The following MCC variants were observed in gnomAD, a reference collection of about 807,000 sequenced individuals.
MCC encodes the protein MCC regulator of Wnt signaling pathway.
A neutral mutation model predicts 116.2 loss-of-function variants in MCC; 90 were observed. The ratio of observed to expected loss-of-function variants is 0.77; its 90% confidence interval spans 0.65 to 0.92. The LOEUF (loss-of-function observed/expected upper bound fraction) is 0.92, where lower values mean the gene tolerates loss of function less well. Among genes scored for constraint, MCC ranks in the 40% least tolerant of loss-of-function variants. The pLI is 0.00. For synonymous variants in MCC, 578 were observed against 510.5 expected, an observed-to-expected ratio of 1.13 and a Z score of -1.78; for missense variants, 1,516 against 1,312.2, an observed-to-expected ratio of 1.16 and a Z score of -2.40.
In MCC at chr5:113,197,140, C is replaced by T. The variant is rs141350339; in HGVS notation, c.628-45718G>A. On this transcript the variant is annotated intron_variant, in intron 3 of 18. Coordinates refer to ENST00000408903, the MANE Select transcript of MCC (RefSeq NM_001085377.2). ...GGGAGCTGTGGTGGGCTGGGGGGTC[C>T]GCTCCACTGTCACGGGCTTCTTTCT... is the stretch of plus-strand genomic sequence containing the variant. Among the ~76,000 whole-genome samples the T allele has an allele frequency of 6.0e-3, 921 of 152,236 alleles. 6 individuals are homozygous for T. The highest frequency in any genetic ancestry group is 0.012 in the Admixed American group (185 of 15,286).
At chr5:113,302,690 A>G (rs890619430) in intron 3 of MCC, among the ~76,000 whole-genome samples, 1 of 152,238 alleles carries the variant, frequency 6.6e-6, no homozygotes, top group Non-Finnish European at 1.5e-5. Context: ...AGGGTTATTG[A>G]TGAAACAAAC....
chr5:113,142,226 G>A (rs918858959), intron 5 of MCC, among the ~76,000 whole-genome samples: 2 of 151,970 alleles, frequency 1.3e-5, no homozygotes, highest in African/African-American at 4.8e-5. Flanking sequence ...TAGAAGGAGA[G>A]TTTAAAGTAG....
At chr5:113,364,957 AGACC>A (rs1768649413) in intron 2 of MCC, among the ~76,000 whole-genome samples, 3 of 152,210 alleles carry the variant, frequency 2.0e-5, no homozygotes, top group Non-Finnish European at 4.4e-5. Flanking sequence ...CTATGTCTCC[AGACC>A]TGTGATGAGA....
rs1270641805 is a variant in MCC at position 113,056,618 on chromosome 5, T to A, written c.2214-2659A>T. 2.0e-5 allele frequency among the ~76,000 whole-genome samples: 3 copies of A among 152,092 alleles called. No individual in the cohort carries two copies. In the East Asian group the frequency reaches 5.8e-4, roughly 29 times the overall value. Reference sequence around the variant, plus strand: ...GGAGAGGATCGGAAAAAATGACTAATGCATACGAAGCTTAATACCTGGGTG... The same window carrying A: ...GGAGAGGATCGGAAAAAATGACTAAAGCATACGAAGCTTAATACCTGGGTG... On this transcript the variant is annotated intron_variant, in intron 14 of 18. Coordinates refer to ENST00000408903, the MANE Select transcript of MCC (RefSeq NM_001085377.2).
intron 14 of MCC, among the ~76,000 whole-genome samples, chr5:113,059,579 C>T (rs1424987870): frequency 6.6e-6 from 1 of 152,252 alleles, no homozygotes; most frequent in Non-Finnish European, 1.5e-5. Context: ...AGAACAGGAG[C>T]CTGTCTGTGT....
chr5:113,144,339 T>A (rs1313167273), intron 4 of MCC, among the ~76,000 whole-genome samples: 2 of 152,244 alleles, frequency 1.3e-5, no homozygotes, highest in Admixed American at 6.5e-5. Flanking sequence ...TCCTCAGTGA[T>A]GGAACAAGTA....
chr5:113,364,614 C>T (rs1453626262), intron 2 of MCC, among the ~76,000 whole-genome samples: 1 of 152,224 alleles, frequency 6.6e-6, no homozygotes, highest in Non-Finnish European at 1.5e-5. Flanking sequence ...GGGCTCCAAT[C>T]CCACATTTCC....
chr5:113,170,297 T>C (rs1436858441), intron 3 of MCC, among the ~76,000 whole-genome samples: 1 of 152,232 alleles, frequency 6.6e-6, no homozygotes, highest in Non-Finnish European at 1.5e-5. Context: ...GTCCTTTTCT[T>C]CAATGGACTT....
At chr5:113,119,630 A>T (rs4259163) in intron 6 of MCC, among the ~76,000 whole-genome samples, 137,143 of 152,208 alleles carry the variant, frequency 0.9, 63,174 homozygotes, top group South Asian at 0.99. Context: ...TGGGAGCACA[A>T]TGACCTGACA....
chr5:113,035,839 T>C (rs1022709206), intron 17 of MCC, among the ~76,000 whole-genome samples: 20 of 152,282 alleles, frequency 1.3e-4, no homozygotes, highest in African/African-American at 4.1e-4. Flanking sequence ...AGTGACTGTA[T>C]CACATCATCC....
At chr5:113,263,393 G>A (rs917592479) in intron 3 of MCC, among the ~76,000 whole-genome samples, 11 of 152,332 alleles carry the variant, frequency 7.2e-5, no homozygotes, top group African/African-American at 2.6e-4. Flanking sequence ...CCATGCCAAA[G>A]GATCATAGCT....
At chr5:113,459,669 T>C (rs1459604132) in intron 1 of MCC, among the ~76,000 whole-genome samples, 1 of 152,214 alleles carries the variant, frequency 6.6e-6, no homozygotes, top group Non-Finnish European at 1.5e-5. Context: ...GCCATATTCA[T>C]GTGCCACCTC....
In MCC at chr5:113,068,165, G is replaced by A. The variant is rs576668087; in HGVS notation, c.1944C>T (p.Ala648=). ...ALQYSEQCIE[A]YELLLALAES... is the part of the protein sequence containing the mutation. ...CTGCCAGCGCCAGGAGGAGTTCGTA[G>A]GCTTCGATGCACTGCTCGCTGAAAC... The change falls in exon 13 of 19, where the codon GCC becomes GCT. Residue 648 remains alanine, a synonymous_variant. Transcript: ENST00000408903. The A allele has an allele frequency of 1.1e-5, 17 of 1,614,086 alleles. No homozygotes were observed. In the African/African-American group the frequency reaches 2.3e-4, roughly 22 times the overall value.
intron 1 of MCC, among the ~76,000 whole-genome samples, chr5:113,478,110 A>G (rs1054752785): frequency 8.5e-5 from 13 of 152,340 alleles, no homozygotes; most frequent in African/African-American, 2.6e-4. Flanking sequence ...TGATGACACT[A>G]AGACAGAGGC....
chr5:113,399,534 T>C (rs7714760), intron 1 of MCC, among the ~76,000 whole-genome samples: 26,241 of 152,106 alleles, frequency 0.17, 2,476 homozygotes, highest in Non-Finnish European at 0.22. Flanking sequence ...GGTTATTTAC[T>C]AAGTTATTAT....
intron 3 of MCC, among the ~76,000 whole-genome samples, chr5:113,253,156 G>C (rs1345677851): frequency 1.3e-5 from 2 of 152,222 alleles, no homozygotes; most frequent in African/African-American, 4.8e-5. Context: ...AGCATACTGA[G>C]AAGTAAACCA....
At chr5:113,337,709 C>T (rs1023826965) in intron 3 of MCC, among the ~76,000 whole-genome samples, 1 of 152,072 alleles carries the variant, frequency 6.6e-6, no homozygotes, top group Non-Finnish European at 1.5e-5. Flanking sequence ...GCCTTTTGCT[C>T]TTAGTAGCTA....
rs372593344 is a variant in MCC, at chr5:113,132,397, TAC to T, written c.885-9573_885-9572del. Among the ~76,000 whole-genome samples, 102 of 68,448 alleles carry T rather than the reference TAC, an allele frequency of 1.5e-3. 2 individuals are homozygous for T. The highest frequency in any genetic ancestry group is 3.2e-3 in the African/African-American group (97 of 30,202). The allele number at this position is 68,448 out of a possible 152,430, so 44.9% of individuals were successfully genotyped here. A position where few individuals can be genotyped will look rare whatever the true frequency, so the allele number is the denominator to read the frequency against. On this transcript the variant is annotated intron_variant, in intron 5 of 18. Coordinates refer to ENST00000408903, the MANE Select transcript of MCC (RefSeq NM_001085377.2). ...GTATATATATACATACATATATATA[TAC>T]ATACATACATATATATATACACACA...
At chr5:113,153,066 T>C (rs1341259166) in intron 3 of MCC, among the ~76,000 whole-genome samples, 2 of 152,184 alleles carry the variant, frequency 1.3e-5, no homozygotes, top group Non-Finnish European at 2.9e-5. Flanking sequence ...CCCTCAGCCT[T>C]TGAACTGTCA....
Sources: gnomAD v4.1 joint callset for allele counts (sites outside exome capture counted in the v4.1 genomes callset) on GRCh38, gnomAD v4.1.1 for gene constraint, MANE v1.5 for transcripts, NCBI Gene and HGNC (gene_info 2026-07-23, HGNC 2026-07-21) for gene names.